TIMM23: variants seen among roughly 807,000 people sequenced by gnomAD.
The protein encoded by TIMM23 is translocase of inner mitochondrial membrane 23.
TIMM23 carries 19 observed loss-of-function variants against 30.7 expected under a neutral mutation model. The ratio of observed to expected loss-of-function variants is 0.62; its 90% CI spans 0.43 to 0.91. The LOEUF (loss-of-function observed/expected upper bound fraction) is 0.91, where lower values mean the gene tolerates loss of function less well. Among genes scored for constraint, TIMM23 ranks in the 40% least tolerant of loss-of-function variants. The pLI, the probability that TIMM23 is intolerant of heterozygous loss-of-function variation, is 0.00. For missense variants in TIMM23, 202 were observed against 269.2 expected (o/e 0.75, Z 1.75); for synonymous variants, 78 against 98.5 (o/e 0.79, Z 1.23).
At chr10:45,984,275 TTCTCC>T (rs1261576888) in intron 4 of TIMM23, among the ~76,000 whole-genome samples, 5 of 152,198 alleles carry the variant, frequency 3.3e-5, no homozygotes, top group African/African-American at 1.2e-4. Context: ...TCCCATTTCC[TTCTCC>T]TCTCCCATCT....
Position 45,972,710 on chromosome 10 carries a change from C to T in TIMM23, c.86C>T (p.Ala29Val). ...GCCGGCGGAGCAGGTTACTCGCACGCGGATTTGGCTGGCGTCCCGCGTAAG... is the reference window on the plus strand; with the variant it reads ...GCCGGCGGAGCAGGTTACTCGCACGTGGATTTGGCTGGCGTCCCGCGTAAG... ...FGAGGAGYSH[A>V]DLAGVPLTGM... The change falls in exon 1 of 7, where the codon GCG (alanine) becomes GTG (valine). Residue 29 changes from alanine (A) to valine (V), a missense_variant. Transcript: ENST00000580018. 6.2e-7 allele frequency: 1 copy of T among 1,613,870 alleles called. No homozygotes were observed. The highest frequency in any genetic ancestry group is 8.5e-7 in the Non-Finnish European group (1 of 1,179,864).
At position 45,975,499 on chromosome 10, in the gene TIMM23, G is replaced by A. The variant is rs1554912865; in HGVS notation, c.152G>A (p.Arg51Gln). The A allele has an allele frequency of 4.3e-6, 7 of 1,613,826 alleles. No homozygotes were observed. Among genetic ancestry groups the A allele is most frequent in the East Asian group, 2.2e-5 (1 of 44,872 alleles). The change falls in exon 2 of 7, where the codon CGA becomes CAA. Residue 51 changes from arginine to glutamine, a missense_variant. Coordinates refer to ENST00000580018, the MANE Select transcript of TIMM23 (RefSeq NM_006327.4). ...TCTCCTTATTTAAATGTGGATCCAC[G>A]ATACCTCGTGCAGGTAAGATTAAGA... ...PLSPYLNVDP[R>Q]YLVQDTDEFI...
intron 6 of TIMM23, among the ~76,000 whole-genome samples, chr10:46,002,810 A>ATTTT (rs386371331): frequency 0.039 from 3,738 of 95,022 alleles, 351 homozygotes; most frequent in African/African-American, 0.066. Context: ...ATTTCATAGT[A>ATTTT]TTTTTTTTTT....
chr10:45,996,635 T>C (rs1184815467), intron 6 of TIMM23, among the ~76,000 whole-genome samples: 1 of 152,094 alleles, frequency 6.6e-6, no homozygotes, highest in Non-Finnish European at 1.5e-5. Flanking sequence ...GCTTTGATTA[T>C]TTTTTTAAGT....
At chr10:45,983,028 A>C in intron 4 of TIMM23, 98 bp downstream of exon 4, 2 of 1,515,576 alleles carry the variant, frequency 1.3e-6, no homozygotes, top group Non-Finnish European at 9.1e-7. Flanking sequence ...GATGGTTAGC[A>C]TAGTTATGTG....
chr10:45,995,636 A>G (rs1838304703), intron 6 of TIMM23, among the ~76,000 whole-genome samples: 2 of 134,458 alleles, frequency 1.5e-5, no homozygotes, highest in Non-Finnish European at 3.1e-5. Flanking sequence ...CTAACCCTAA[A>G]GACTTTCAAA....
intron 4 of TIMM23, among the ~76,000 whole-genome samples, chr10:45,984,048 T>C (rs1837928795): frequency 6.6e-6 from 1 of 152,212 alleles, no homozygotes; most frequent in Admixed American, 6.5e-5. Flanking sequence ...CTAGCCCTGT[T>C]AAGTTTTTTA....
At chr10:46,003,033 G>A (rs1460061078) in intron 6 of TIMM23, among the ~76,000 whole-genome samples, 170 bp from the exon 7 acceptor site, 1 of 151,982 alleles carries the variant, frequency 6.6e-6, no homozygotes, top group African/African-American at 2.4e-5. Flanking sequence ...TGGCCAGGCT[G>A]GTTGAACTCC....
At chr10:45,998,102 T>C (rs1374578262) in intron 6 of TIMM23, among the ~76,000 whole-genome samples, 4 of 152,188 alleles carry the variant, frequency 2.6e-5, no homozygotes, top group African/African-American at 7.2e-5. Context: ...AGGCTAAGAA[T>C]GTGTTTTACG....
At chr10:45,976,864 A>G (rs1392191876) in intron 2 of TIMM23, among the ~76,000 whole-genome samples, 2 of 152,242 alleles carry the variant, frequency 1.3e-5, no homozygotes, top group African/African-American at 4.8e-5. Context: ...GATCTTATCT[A>G]TAGAAAATCA....
At chr10:45,972,798 C>G (rs2132234254) in intron 1 of TIMM23, 68 bp downstream of exon 1, 1 of 1,588,856 alleles carries the variant, frequency 6.3e-7, no homozygotes, top group Non-Finnish European at 8.6e-7. Context: ...TTGCGCGTCC[C>G]ATGTTTTATG....
intron 1 of TIMM23, among the ~76,000 whole-genome samples, chr10:45,973,997 A>C (rs1837584761): frequency 6.6e-6 from 1 of 152,156 alleles, no homozygotes; most frequent in South Asian, 2.1e-4. Flanking sequence ...TCTGAGTTTC[A>C]GAGCACAAAG....
chr10:45,994,851 A>G (rs1176455436), intron 6 of TIMM23, among the ~76,000 whole-genome samples: 2 of 152,178 alleles, frequency 1.3e-5, no homozygotes, highest in Admixed American at 1.3e-4. Flanking sequence ...GTGGTGCTAT[A>G]CTTAGAGTGC....
chr10:45,989,758 G>C (rs1838100556), intron 6 of TIMM23, among the ~76,000 whole-genome samples: 1 of 152,132 alleles, frequency 6.6e-6, no homozygotes, highest in Non-Finnish European at 1.5e-5. Flanking sequence ...TTATTCCTAT[G>C]ATCATCTTAC....
chr10:45,983,064 T>G (rs1837891661), intron 4 of TIMM23, 134 bp downstream of exon 4: 1 of 1,290,418 alleles, frequency 7.7e-7, no homozygotes, highest in Non-Finnish European at 1.1e-6. Flanking sequence ...TTTTTAATCT[T>G]AATCAAAATA....
intron 6 of TIMM23, among the ~76,000 whole-genome samples, chr10:45,998,176 A>C (rs1838405729): frequency 6.6e-6 from 1 of 152,196 alleles, no homozygotes; most frequent in African/African-American, 2.4e-5. Context: ...TGACCCTCAA[A>C]GCCCAAAATG....
chr10:45,974,009 G>A (rs1205757273), intron 1 of TIMM23, among the ~76,000 whole-genome samples: 1 of 152,024 alleles, frequency 6.6e-6, no homozygotes, highest in African/African-American at 2.4e-5. Flanking sequence ...AGCACAAAGG[G>A]CATATACACT....
intron 6 of TIMM23, among the ~76,000 whole-genome samples, chr10:45,996,968 C>A (rs1554916821): frequency 0.57 from 62,240 of 109,818 alleles, 13,302 homozygotes; most frequent in Admixed American, 0.64. Flanking sequence ...CTGTGTCAAA[C>A]AAAAAAAAAA....
rs782424506 is a variant in TIMM23 at position 46,003,351 on chromosome 10, C to T, written c.*33C>T. The T allele has an allele frequency of 4.6e-5, 64 of 1,403,264 alleles. No homozygotes were observed. The highest frequency in any genetic ancestry group is 6.1e-5 in the Non-Finnish European group (60 of 989,750). The allele number at this position is 1,403,264 out of a possible 1,614,324, so 86.9% of individuals were successfully genotyped here. ...GCCAACTCATGAATGGAGGACACTT[C>T]AGTAGTCATCTAGATCCTTTTATAA... On this transcript the variant is annotated 3_prime_UTR_variant, in exon 7 of 7. Coordinates refer to ENST00000580018, the MANE Select transcript of TIMM23 (RefSeq NM_006327.4).
Sources: gnomAD v4.1 joint callset for allele counts (sites outside exome capture counted in the v4.1 genomes callset) on GRCh38, gnomAD v4.1.1 for gene constraint, MANE v1.5 for transcripts, NCBI Gene and HGNC (gene_info 2026-07-23, HGNC 2026-07-21) for gene names.